The following LRRFIP1 variants were observed in gnomAD, a reference collection of about 807,000 sequenced individuals.
The protein encoded by LRRFIP1 is LRR binding FLII interacting protein 1.
In LRRFIP1, 62 loss-of-function variants were observed where a neutral mutation model predicts 104.4. The ratio of observed to expected loss-of-function variants is 0.59; its 90% confidence interval spans 0.48 to 0.73. The LOEUF is 0.73. LRRFIP1 is among the 30% of genes least tolerant of loss of function. LRRFIP1 has a pLI of 0.00. For missense variants in LRRFIP1, 796 were observed against 824.5 expected, an observed-to-expected ratio of 0.97 and a Z score of 0.42; for synonymous variants, 300 against 299.0, an observed-to-expected ratio of 1.00 and a Z score of -0.03.
intron 1 of LRRFIP1, among the ~76,000 whole-genome samples, chr2:237,652,375 A>C (rs1476800917): frequency 6.6e-6 from 1 of 152,242 alleles, no homozygotes; most frequent in Non-Finnish European, 1.5e-5. Flanking sequence ...GAGAGGTCAC[A>C]GAGATGCAGA....
Position 237,772,855 on chromosome 2 carries a change from T to G in LRRFIP1, c.1628-11T>G. 6.2e-7 allele frequency: 1 copy of G among 1,605,186 alleles called. No individual in the cohort carries two copies. The highest frequency in any genetic ancestry group is 8.5e-7 in the Non-Finnish European group (1 of 1,172,358). Reference sequence around the variant, plus strand: ...GAGCTTAACAGATTTTCCTTCTCTTTCAACCTTTAGGGGATGCCAACAGAC... The same window carrying G: ...GAGCTTAACAGATTTTCCTTCTCTTGCAACCTTTAGGGGATGCCAACAGAC... On this transcript the variant is annotated splice_polypyrimidine_tract_variant and intron_variant, in intron 21 of 23. Transcript: ENST00000308482.
intron 1 of LRRFIP1, among the ~76,000 whole-genome samples, chr2:237,644,114 T>C (rs2084483068): frequency 6.6e-6 from 1 of 152,250 alleles, no homozygotes; most frequent in South Asian, 2.1e-4. Context: ...TTTGTTGCAA[T>C]GTATGCACTT....
intron 1 of LRRFIP1, among the ~76,000 whole-genome samples, chr2:237,672,430 C>G (rs939532508): frequency 6.6e-6 from 1 of 152,178 alleles, no homozygotes; most frequent in African/African-American, 2.4e-5. Flanking sequence ...ATATAGCTAT[C>G]TACTGGCAAT....
intron 1 of LRRFIP1, among the ~76,000 whole-genome samples, chr2:237,660,386 G>A (rs1046566550): frequency 1.4e-4 from 22 of 151,730 alleles, no homozygotes; most frequent in Non-Finnish European, 2.6e-4. Flanking sequence ...TGGGGACATA[G>A]GGACCCCTGT....
chr2:237,679,104 C>T (rs1466968385), intron 1 of LRRFIP1, among the ~76,000 whole-genome samples: 1 of 152,246 alleles, frequency 6.6e-6, no homozygotes, highest in East Asian at 1.9e-4. Flanking sequence ...ATGAAAATCA[C>T]TTTTCACTGA....
chr2:237,727,569 C>G (rs1469016900), intron 7 of LRRFIP1, among the ~76,000 whole-genome samples: 2 of 152,170 alleles, frequency 1.3e-5, no homozygotes, highest in Non-Finnish European at 2.9e-5. Flanking sequence ...AAGGAAATGG[C>G]CACACCAAGC....
intron 1 of LRRFIP1, among the ~76,000 whole-genome samples, chr2:237,628,559 A>AG (rs2081922850): frequency 1.3e-5 from 2 of 152,332 alleles, no homozygotes; most frequent in Non-Finnish European, 1.5e-5. Context: ...TTGCGGCCCC[A>AG]GGGGGACAAA....
intron 1 of LRRFIP1, among the ~76,000 whole-genome samples, chr2:237,641,703 A>G (rs1299475843): frequency 6.6e-6 from 1 of 152,234 alleles, no homozygotes; most frequent in Admixed American, 6.5e-5. Context: ...TTGCAGATCC[A>G]CAGGTTGCAC....
At chr2:237,734,288 T>C (rs994193547) in intron 9 of LRRFIP1, among the ~76,000 whole-genome samples, 1 of 143,292 alleles carries the variant, frequency 7.0e-6, no homozygotes, top group East Asian at 2.0e-4. Context: ...TTTTTTTTTT[T>C]TTTTTTTTTG....
At chr2:237,694,521 G>A (rs2093034587) in intron 1 of LRRFIP1, among the ~76,000 whole-genome samples, 1 of 152,194 alleles carries the variant, frequency 6.6e-6, no homozygotes, top group African/African-American at 2.4e-5. Flanking sequence ...CATGGGCTGG[G>A]TATAGGCACA....
At chr2:237,733,897 G>C (rs918485288) in intron 9 of LRRFIP1, 79 bp downstream of exon 9, 35 of 1,489,900 alleles carry the variant, frequency 2.3e-5, no homozygotes, top group Non-Finnish European at 2.9e-5. Flanking sequence ...CAGAGCCGGG[G>C]ATGTGCCTGT....
chr2:237,778,877 G>A lies in LRRFIP1; in HGVS notation c.1813-545G>A, dbSNP rs140650826. Among the ~76,000 whole-genome samples, 1,384 of 149,454 alleles carry A rather than the reference G, an allele frequency of 9.3e-3. 23 individuals are homozygous for A. Among genetic ancestry groups the A allele is most frequent in the African/African-American group, 0.031 (1,270 of 40,760 alleles). Reference sequence around the variant, plus strand: ...GGTTGCAGTGAGCCAAGATCACACCGTTATACTCTGGCCTGGGTGACAGAG... The same window carrying A: ...GGTTGCAGTGAGCCAAGATCACACCATTATACTCTGGCCTGGGTGACAGAG... On this transcript the variant is annotated intron_variant, in intron 23 of 23. Coordinates refer to ENST00000308482, the MANE Select transcript of LRRFIP1 (RefSeq NM_001137550.2).
intron 22 of LRRFIP1, chr2:237,773,998 T>A: frequency 1.0e-5 from 2 of 195,240 alleles, no homozygotes; most frequent in Non-Finnish European, 2.1e-5. Context: ...GAGATTAGAC[T>A]GGAGCTGAGG....
intron 1 of LRRFIP1, chr2:237,692,476 T>C (rs1265024546): frequency 2.0e-6 from 3 of 1,531,986 alleles, no homozygotes; most frequent in Non-Finnish European, 2.6e-6. Flanking sequence ...CCGCGGCCGC[T>C]CAAAGCCGGG....
intron 1 of LRRFIP1, among the ~76,000 whole-genome samples, chr2:237,666,600 C>A (rs2089295037): frequency 6.6e-6 from 1 of 151,846 alleles, no homozygotes; most frequent in African/African-American, 2.4e-5. Flanking sequence ...GACAGGGAGG[C>A]CCTGAGAGGT....
Position 237,715,781 on chromosome 2 carries a change from G to C in LRRFIP1, c.201+1505G>C, listed in dbSNP as rs578020945. On this transcript the variant is annotated intron_variant, in intron 3 of 23. Coordinates refer to ENST00000308482, the MANE Select transcript of LRRFIP1 (RefSeq NM_001137550.2). ...TCCTGCTTCCCTCCGCATGGCTTCCGGATCATGGTAGTGATTGACGTTTGA... is the reference window on the plus strand; with the variant it reads ...TCCTGCTTCCCTCCGCATGGCTTCCCGATCATGGTAGTGATTGACGTTTGA... Among the ~76,000 whole-genome samples, 14 of 152,350 alleles carry C rather than the reference G, an allele frequency of 9.2e-5. No individual in the cohort carries two copies. The East Asian group carries it at 1.7e-3, about 19-fold the overall frequency.
In LRRFIP1 at chr2:237,649,838, C is replaced by T. The variant is rs764091885; in HGVS notation, c.96+22098C>T. Among the ~76,000 whole-genome samples the T allele has an allele frequency of 3.3e-5, 5 of 150,620 alleles. No homozygotes were observed. The highest frequency in any genetic ancestry group is 2.1e-4 in the South Asian group (1 of 4,764). On this transcript the variant is annotated intron_variant, in intron 1 of 23. Coordinates refer to ENST00000308482, the MANE Select transcript of LRRFIP1 (RefSeq NM_001137550.2). This position sits in a 1 kb window ranked among gnomAD's most constrained non-coding sequence, Gnocchi z 4.1. ...CTCATTCATGTATTCACTTTTCCTC[C>T]GATTCAACAAAAAAAAAAATTGATT... is the stretch of plus-strand genomic sequence containing the variant.
Position 237,717,657 on chromosome 2 carries a change from C to A in LRRFIP1, c.202-105C>A. 2.2e-6 allele frequency: 2 copies of A among 903,388 alleles called. No individual in the cohort carries two copies. The highest frequency in any genetic ancestry group is 3.8e-6 in the Non-Finnish European group (2 of 532,546). 56.0% of individuals were successfully genotyped at this position (903,388 alleles called of 1,614,324 possible). On this transcript the variant is annotated intron_variant, in intron 3 of 23. Coordinates refer to ENST00000308482, the MANE Select transcript of LRRFIP1 (RefSeq NM_001137550.2). The surrounding 1 kb of genome is among the most constrained non-coding windows in gnomAD (Gnocchi z 4.2). ...GCCTTGGCGTGTTACCTTCACCACA[C>A]GGCTGGATGGCGGTTTGGAAATGCA...
intron 1 of LRRFIP1, among the ~76,000 whole-genome samples, chr2:237,698,201 G>A (rs2093316199): frequency 6.6e-6 from 1 of 152,180 alleles, no homozygotes; most frequent in African/African-American, 2.4e-5. Flanking sequence ...CACAGTCTGT[G>A]GACAATCTCA....
Sources: gnomAD v4.1 joint callset for allele counts (sites outside exome capture counted in the v4.1 genomes callset) on GRCh38, gnomAD v4.1.1 for gene constraint, Gnocchi (gnomAD v3.1) non-coding constraint, MANE v1.5 for transcripts, NCBI Gene and HGNC (gene_info 2026-07-23, HGNC 2026-07-21) for gene names.